Variants in CLINT1 observed in about 807,000 individuals in gnomAD.
CLINT1 encodes clathrin interacting protein localized in the trans-Golgi region.
Under a neutral mutation model 70.4 loss-of-function variants are expected in CLINT1, and 15 were observed. The ratio of observed to expected loss-of-function variants is 0.21; its 90% CI spans 0.14 to 0.33. The LOEUF is 0.33. CLINT1 is among the 10% of genes least tolerant of loss of function. The probability of loss-of-function intolerance (pLI) is 1.00; values close to 1 mark genes in which losing one functional copy is unlikely to be tolerated. For synonymous variants in CLINT1, 227 were observed against 254.7 expected (o/e 0.89, Z 1.04); for missense variants, 615 against 778.1 (o/e 0.79, Z 2.49).
chr5:157,829,689 ATTTTTTTTTTTT>A (rs3075709), intron 1 of CLINT1, among the ~76,000 whole-genome samples: 1 of 109,148 alleles, frequency 9.2e-6, no homozygotes, highest in Non-Finnish European at 1.8e-5. Context: ...ACACCCAGCT[ATTTTTTTTTTTT>A]TTTTTTTTTT....
intron 1 of CLINT1, among the ~76,000 whole-genome samples, chr5:157,819,816 T>G (rs530640892): frequency 6.6e-6 from 1 of 152,350 alleles, no homozygotes; most frequent in East Asian, 1.9e-4. Flanking sequence ...TCCATGTACA[T>G]GAAATATTTT....
At chr5:157,803,080 G>C (rs1298248239) in intron 8 of CLINT1, among the ~76,000 whole-genome samples, 2 of 152,198 alleles carry the variant, frequency 1.3e-5, no homozygotes, top group African/African-American at 4.8e-5. Context: ...ATGATCTCTA[G>C]GCATGCCCAA....
chr5:157,830,997 T>A (rs188177042), intron 1 of CLINT1, among the ~76,000 whole-genome samples: 1 of 151,366 alleles, frequency 6.6e-6, no homozygotes, highest in African/African-American at 2.4e-5. Flanking sequence ...TGAGACATGA[T>A]AGTGCCACTA....
intron 1 of CLINT1, among the ~76,000 whole-genome samples, chr5:157,840,192 C>CAAAAAAAAAAAAAAA (rs57245921): frequency 3.6e-5 from 2 of 55,330 alleles, no homozygotes; most frequent in Non-Finnish European, 5.9e-5. Flanking sequence ...GAGACTGCCT[C>CAAAAAAAAAAAAAAA]AAAAAAAAAA....
chr5:157,812,474 G>A (rs1418574220), intron 5 of CLINT1, among the ~76,000 whole-genome samples: 4 of 152,148 alleles, frequency 2.6e-5, no homozygotes, highest in Admixed American at 2.6e-4. Context: ...AAATAAACAT[G>A]AAAGATGAAT....
intron 10 of CLINT1, 120 bp from the exon 11 acceptor site, chr5:157,789,633 T>C (rs1173091194): frequency 3.1e-6 from 4 of 1,292,376 alleles, no homozygotes; most frequent in Non-Finnish European, 4.4e-6. Flanking sequence ...GATGGCAATT[T>C]AATCACAACA....
intron 7 of CLINT1, among the ~76,000 whole-genome samples, chr5:157,804,684 G>A (rs761211524): frequency 6.6e-6 from 1 of 152,092 alleles, no homozygotes; most frequent in African/African-American, 2.4e-5. Flanking sequence ...CAACACTTTG[G>A]GAGGCCGAAG....
At position 157,809,715 on chromosome 5, in the gene CLINT1, T is replaced by C. The variant is rs941389894; in HGVS notation, c.608A>G (p.Glu203Gly). ...TGTGCTTCCAATTTTATCACTCAGCTCACCTAATTTATCACTGAATGGAAA... is the reference window on the plus strand; with the variant it reads ...TGTGCTTCCAATTTTATCACTCAGCCCACCTAATTTATCACTGAATGGAAA... The part of the protein sequence containing the change: ...SAFPFSDKLG[E>G]LSDKIGSTID... The change falls in exon 6 of 12, where the codon GAG becomes GGG. Residue 203 changes from glutamate to glycine, a missense_variant. This residue lies in a region of CLINT1 where 241 missense variants were observed against 368.6 expected (regional missense o/e 0.65). Transcript: ENST00000411809. 3 of 1,613,344 alleles carry C rather than the reference T, an allele frequency of 1.9e-6. No individual in the cohort carries two copies. The African/African-American group carries it at 4.0e-5, about 22-fold the overall frequency.
rs775347634 is a variant in CLINT1, at chr5:157,787,934, A to G, written c.1590T>C (p.Ser530=). The G allele has an allele frequency of 6.2e-7, 1 of 1,613,052 alleles. No homozygotes were observed. Among genetic ancestry groups the G allele is most frequent in the South Asian group, 1.1e-5 (1 of 90,896 alleles). The part of the protein sequence containing the change: ...TQSFGAVNLS[S]PSNMLPVRPQ... ...GCCGGACAGGAAGCATGTTCGATGG[A>G]GAACTGAGGTTCACAGCTCCAAAAC... Residue 530 remains serine, a synonymous_variant, in exon 12 of 12, where the codon TCT becomes TCC. Transcript: ENST00000411809.
intron 8 of CLINT1, among the ~76,000 whole-genome samples, 181 bp downstream of exon 8, chr5:157,803,469 G>A (rs1762287967): frequency 1.3e-5 from 2 of 152,090 alleles, no homozygotes; most frequent in African/African-American, 4.8e-5. Flanking sequence ...AGAAATGGGT[G>A]TACATATAAA....
At chr5:157,797,052 T>C (rs1239688597) in intron 8 of CLINT1, among the ~76,000 whole-genome samples, 2 of 152,202 alleles carry the variant, frequency 1.3e-5, no homozygotes. Context: ...ACATACATCA[T>C]GATAAAATGT....
intron 1 of CLINT1, among the ~76,000 whole-genome samples, chr5:157,849,867 T>C (rs555236552): frequency 6.6e-5 from 10 of 152,360 alleles, no homozygotes; most frequent in Non-Finnish European, 1.2e-4. Flanking sequence ...TCAAAAATAT[T>C]TGAGCGCCTA....
intron 3 of CLINT1, among the ~76,000 whole-genome samples, chr5:157,815,542 A>G (rs1055297511): frequency 6.6e-6 from 1 of 152,164 alleles, no homozygotes; most frequent in Non-Finnish European, 1.5e-5. Flanking sequence ...TTAGGCGGAA[A>G]GGAGGGGGTG....
At chr5:157,830,780 CTCTCTCTCTCTCTCTCTATATA>C (rs1351545545) in intron 1 of CLINT1, among the ~76,000 whole-genome samples, 111 of 132,266 alleles carry the variant, frequency 8.4e-4, no homozygotes, top group Admixed American at 2.6e-3. Context: ...CTCTCTCTCT[CTCTCTCTCTCTCTCTCTATATA>C]TATATATATA....
At position 157,837,512 on chromosome 5, in the gene CLINT1, G is replaced by A. The variant is rs182436465; in HGVS notation, c.42-19965C>T. Among the ~76,000 whole-genome samples, 34 of 151,980 alleles carry A rather than the reference G, an allele frequency of 2.2e-4. No homozygotes were observed. The East Asian group carries it at 2.5e-3, about 11-fold the overall frequency. The stretch of plus-strand genomic sequence containing the variant: ...AAACTCATACTTGAGAAATGCAATC[G>A]GTCTAAAAGAAATGTCAATTATGTG... On this transcript the variant is annotated intron_variant, in intron 1 of 11. Coordinates refer to ENST00000411809, the MANE Select transcript of CLINT1 (RefSeq NM_014666.4).
rs374838047 is a variant in CLINT1, at chr5:157,841,098, T to TA, written c.41+17831dup. 3.1e-3 allele frequency among the ~76,000 whole-genome samples: 461 copies of TA among 148,584 alleles called. 1 individual carries two copies. The highest frequency in any genetic ancestry group is 0.011 in the African/African-American group (428 of 40,178). On this transcript the variant is annotated intron_variant, in intron 1 of 11. Transcript: ENST00000411809. ...GCAGCATGGCAAAACCACGTCTCTATAAAAAAATACAAAAACTAATTAGCC... is the reference window on the plus strand; with the variant it reads ...GCAGCATGGCAAAACCACGTCTCTATAAAAAAAATACAAAAACTAATTAGCC...
chr5:157,830,966 C>T (rs1024016426), intron 1 of CLINT1, among the ~76,000 whole-genome samples: 1 of 151,564 alleles, frequency 6.6e-6, no homozygotes, highest in Non-Finnish European at 1.5e-5. Flanking sequence ...ACTGCTTGGG[C>T]CTGGGAGGTT....
At chr5:157,798,828 T>G (rs1040122904) in intron 8 of CLINT1, among the ~76,000 whole-genome samples, 2 of 151,994 alleles carry the variant, frequency 1.3e-5, no homozygotes, top group Admixed American at 1.3e-4. Context: ...ATAAAAAAAC[T>G]AATGTCTAGA....
intron 1 of CLINT1, among the ~76,000 whole-genome samples, chr5:157,858,147 G>C (rs1047263553): frequency 2.6e-5 from 4 of 152,122 alleles, no homozygotes; most frequent in African/African-American, 9.7e-5. Context: ...CGTTTTACCT[G>C]CTTTTAAAAG....
Sources: allele counts gnomAD v4.1 joint callset (sites outside exome capture counted in the v4.1 genomes callset), GRCh38; gene constraint gnomAD v4.1.1; regional missense constraint gnomAD v4.1.1; transcripts MANE v1.5; gene names NCBI Gene and HGNC (gene_info 2026-07-23, HGNC 2026-07-21).